FOXP2: variants seen among roughly 807,000 people sequenced by gnomAD.
FOXP2 encodes the protein forkhead box protein P2.
A neutral mutation model predicts 115.8 loss-of-function variants in FOXP2; 12 were observed. The observed-to-expected ratio is 0.10, with a 90% confidence interval of 0.07 to 0.17. FOXP2 has a LOEUF of 0.17. FOXP2 is among the 10% of genes least tolerant of loss of function. The pLI is 1.00. For synonymous variants in FOXP2, 328 were observed against 297.7 expected (o/e 1.10, Z -1.05); for missense variants, 629 against 843.5 (o/e 0.75, Z 3.15).
rs376309639 is a variant in FOXP2 at position 114,568,433 on chromosome 7, T to TGG, written c.258+33735_258+33736dup. On this transcript the variant is annotated intron_variant, in intron 3 of 16. Coordinates refer to ENST00000350908, the MANE Select transcript of FOXP2 (RefSeq NM_014491.4). ...CTTCATGGTCTTGTGGGTTTTTTTT[T>TGG]GGGGGGGGGTTATTTTGTTTTGTTT... Among the ~76,000 whole-genome samples, 1,224 of 146,724 alleles carry TGG rather than the reference T, an allele frequency of 8.3e-3. 14 individuals are homozygous for TGG. Among genetic ancestry groups the TGG allele is most frequent in the African/African-American group, 0.029 (1,151 of 39,382 alleles).
chr7:114,266,999 A>G (rs900184340), intron 1 of FOXP2, among the ~76,000 whole-genome samples: 1 of 152,214 alleles, frequency 6.6e-6, no homozygotes, highest in Non-Finnish European at 1.5e-5. Context: ...AAACGTTTGA[A>G]TAGAGTTCAT....
intron 2 of FOXP2, among the ~76,000 whole-genome samples, chr7:114,334,933 A>C (rs201777778): frequency 1.2e-4 from 8 of 65,804 alleles, no homozygotes; most frequent in African/African-American, 3.7e-4. Flanking sequence ...ATAGAAATCT[A>C]TATATATATA....
intron 2 of FOXP2, among the ~76,000 whole-genome samples, chr7:114,364,969 C>T (rs564022290): frequency 2.5e-4 from 38 of 152,188 alleles, no homozygotes; most frequent in Non-Finnish European, 4.7e-4. Flanking sequence ...TCAGTACTTT[C>T]AAAAAGGGTG....
At chr7:114,228,820 G>A (rs1794803537) in intron 1 of FOXP2, among the ~76,000 whole-genome samples, 1 of 151,310 alleles carries the variant, frequency 6.6e-6, no homozygotes, top group African/African-American at 2.4e-5. Flanking sequence ...CACAAAGAGA[G>A]CAAGACAGGG....
At chr7:114,598,445 T>A (rs568501168) in intron 3 of FOXP2, among the ~76,000 whole-genome samples, 33 of 152,270 alleles carry the variant, frequency 2.2e-4, no homozygotes, top group African/African-American at 7.5e-4. Flanking sequence ...AATGTTCTGA[T>A]AATTTTGCTC....
chr7:114,608,587 A>G lies in FOXP2; in HGVS notation c.259-19953A>G, dbSNP rs1208845948. ...CCACCTTTGCTATATTCTATTAGCTAGAAACAAGTCACAGGTTCTACTTAC... is the reference window on the plus strand; with the variant it reads ...CCACCTTTGCTATATTCTATTAGCTGGAAACAAGTCACAGGTTCTACTTAC... On this transcript the variant is annotated intron_variant, in intron 3 of 16. Coordinates refer to ENST00000350908, the MANE Select transcript of FOXP2 (RefSeq NM_014491.4). Among the ~76,000 whole-genome samples the G allele has an allele frequency of 9.2e-5, 14 of 152,344 alleles. No individual in the cohort carries two copies. The East Asian group carries it at 2.7e-3, about 29-fold the overall frequency.
intron 1 of FOXP2, among the ~76,000 whole-genome samples, chr7:114,121,196 T>C (rs950649539): frequency 2.0e-5 from 3 of 151,866 alleles, no homozygotes; most frequent in African/African-American, 7.3e-5. Flanking sequence ...ATGAGATGAG[T>C]GCCCTTAGAA....
chr7:114,401,830 G>T (rs1056016262), intron 2 of FOXP2, among the ~76,000 whole-genome samples: 11 of 152,140 alleles, frequency 7.2e-5, no homozygotes, highest in Non-Finnish European at 1.5e-4. Context: ...ATACTAAAAA[G>T]GATATAGAGG....
chr7:114,432,682 C>A (rs1157187828), intron 2 of FOXP2, among the ~76,000 whole-genome samples: 1 of 151,678 alleles, frequency 6.6e-6, no homozygotes, highest in African/African-American at 2.4e-5. Flanking sequence ...GTCTTGGGGC[C>A]TTCTATTTAC....
At chr7:114,527,972 T>C (rs1798953484) in intron 2 of FOXP2, among the ~76,000 whole-genome samples, 1 of 152,130 alleles carries the variant, frequency 6.6e-6, no homozygotes, top group African/African-American at 2.4e-5. Flanking sequence ...ATCCCTTATC[T>C]ATCCTTTACA....
intron 1 of FOXP2, among the ~76,000 whole-genome samples, chr7:114,119,549 TA>T (rs927983438): frequency 1.3e-5 from 2 of 151,456 alleles, no homozygotes; most frequent in African/African-American, 4.9e-5. Context: ...GAGACCAGCC[TA>T]AAAAAAATTA....
chr7:114,195,897 G>T (rs1013665024), intron 1 of FOXP2, among the ~76,000 whole-genome samples: 2 of 152,096 alleles, frequency 1.3e-5, no homozygotes, highest in African/African-American at 4.8e-5. Context: ...AGGGAGAATC[G>T]CTTGAGCCCA....
chr7:114,429,040 G>A (rs948438653), intron 2 of FOXP2, among the ~76,000 whole-genome samples: 1 of 151,422 alleles, frequency 6.6e-6, no homozygotes. Context: ...TTTGTTTGCC[G>A]TGAACTTCTG....
chr7:114,277,121 C>T (rs1796209411), intron 1 of FOXP2, among the ~76,000 whole-genome samples: 1 of 152,138 alleles, frequency 6.6e-6, no homozygotes, highest in South Asian at 2.1e-4. Flanking sequence ...TAATTAACCT[C>T]ATCAGGAAAG....
intron 3 of FOXP2, among the ~76,000 whole-genome samples, chr7:114,581,028 G>A (rs553255220): frequency 1.3e-5 from 2 of 151,108 alleles, no homozygotes; most frequent in East Asian, 3.9e-4. Flanking sequence ...AGAGAACCAG[G>A]AGCCAGCAGT....
chr7:114,287,785 T>G (rs1239137671), intron 1 of FOXP2, among the ~76,000 whole-genome samples: 1 of 151,996 alleles, frequency 6.6e-6, no homozygotes. Context: ...TCTTATGCTG[T>G]CTCCGTGGCC....
upstream of FOXP2, among the ~76,000 whole-genome samples, chr7:114,412,648 G>A (rs1002800522): frequency 5.9e-5 from 9 of 152,104 alleles, no homozygotes; most frequent in South Asian, 2.1e-4. Flanking sequence ...CAAACTTGAC[G>A]TACCCCGATG....
Position 114,630,090 on chromosome 7 carries a change from A to G in FOXP2, c.597+85A>G, listed in dbSNP as rs1563046215. 5.0e-6 allele frequency: 8 copies of G among 1,597,662 alleles called. No homozygotes were observed. In the Admixed American group the frequency reaches 6.7e-5, roughly 13 times the overall value. On this transcript the variant is annotated intron_variant, in intron 5 of 16. Transcript: ENST00000350908. ...GGCAAGAATAGTCTTAGATCTTCCTATAACAAGGCTCTTGCTGTCAAAGTT... is the reference window on the plus strand; with the variant it reads ...GGCAAGAATAGTCTTAGATCTTCCTGTAACAAGGCTCTTGCTGTCAAAGTT...
intron 1 of FOXP2, among the ~76,000 whole-genome samples, chr7:114,232,737 C>T (rs922883783): frequency 4.0e-5 from 6 of 150,974 alleles, no homozygotes; most frequent in African/African-American, 7.3e-5. Context: ...CACTTGAACC[C>T]GGGAGGCGGA....
Sources: allele counts gnomAD v4.1 joint callset (sites outside exome capture counted in the v4.1 genomes callset), GRCh38; gene constraint gnomAD v4.1.1; transcripts MANE v1.5; gene names NCBI Gene and HGNC (gene_info 2026-07-23, HGNC 2026-07-21).